GPC5: variants seen among roughly 807,000 people sequenced by gnomAD.
The protein encoded by GPC5 is glypican-5.
Under a neutral mutation model 53.9 loss-of-function variants are expected in GPC5, and 47 were observed. The ratio of observed to expected loss-of-function variants is 0.87; its 90% CI spans 0.69 to 1.11. The LOEUF (loss-of-function observed/expected upper bound fraction) is 1.11. Among genes scored for constraint, GPC5 ranks in the 50% most tolerant of loss-of-function variants. GPC5 has a pLI of 0.00. For synonymous variants in GPC5, 286 were observed against 263.3 expected (o/e 1.09, Z -0.84); for missense variants, 748 against 713.1 (o/e 1.05, Z -0.56).
At chr13:91,815,383 C>G (rs957743575) in intron 5 of GPC5, among the ~76,000 whole-genome samples, 1 of 152,060 alleles carries the variant, frequency 6.6e-6, no homozygotes, top group African/African-American at 2.4e-5. Flanking sequence ...CCAACCAGAA[C>G]ATGCATTGCT....
intron 2 of GPC5, among the ~76,000 whole-genome samples, chr13:91,559,885 T>C (rs953482439): frequency 6.6e-6 from 1 of 151,994 alleles, no homozygotes; most frequent in Non-Finnish European, 1.5e-5. Flanking sequence ...AACCCAGGGG[T>C]AGATAGTTTA....
rs115469055 is a variant in GPC5, at chr13:92,477,977, G to A, written c.1561+332988G>A. Among the ~76,000 whole-genome samples the A allele has an allele frequency of 3.2e-3, 480 of 152,226 alleles. 1 individual carries two copies. Among genetic ancestry groups the A allele is most frequent in the African/African-American group, 0.011 (444 of 41,566 alleles). On this transcript the variant is annotated intron_variant, in intron 7 of 7. Transcript: ENST00000377067. ...GCATTTGGTTTATTTTCCAAAGCCAGCTCATTTGTACTTCTCTTAAATATT... is the reference window on the plus strand; with the variant it reads ...GCATTTGGTTTATTTTCCAAAGCCAACTCATTTGTACTTCTCTTAAATATT...
At chr13:92,859,803 A>G (rs1195935714) in intron 7 of GPC5, among the ~76,000 whole-genome samples, 1 of 152,192 alleles carries the variant, frequency 6.6e-6, no homozygotes, top group African/African-American at 2.4e-5. Flanking sequence ...GCTTAAAATA[A>G]TATGTTCTTT....
chr13:92,858,267 T>A (rs1594554456), intron 7 of GPC5, among the ~76,000 whole-genome samples: 1 of 152,152 alleles, frequency 6.6e-6, no homozygotes, highest in South Asian at 2.1e-4. Context: ...TCTCATGAGA[T>A]CTGATGGTTT....
At chr13:92,303,684 G>A (rs535435145) in intron 7 of GPC5, among the ~76,000 whole-genome samples, 14 of 152,290 alleles carry the variant, frequency 9.2e-5, no homozygotes, top group African/African-American at 3.1e-4. Flanking sequence ...GCTGATCAGC[G>A]AGGATGTGAA....
At chr13:92,755,570 G>T (rs994091176) in intron 7 of GPC5, among the ~76,000 whole-genome samples, 1 of 149,946 alleles carries the variant, frequency 6.7e-6, no homozygotes, top group African/African-American at 2.4e-5. Context: ...CAACAAAATA[G>T]ATAGACTGCT....
chr13:91,757,408 G>A (rs1245292669), intron 5 of GPC5, among the ~76,000 whole-genome samples: 1 of 152,038 alleles, frequency 6.6e-6, no homozygotes, highest in Non-Finnish European at 1.5e-5. Flanking sequence ...GACAGATATG[G>A]TTTGGCTGTG....
At chr13:92,311,378 A>AT (rs1256124324) in intron 7 of GPC5, among the ~76,000 whole-genome samples, 1 of 152,158 alleles carries the variant, frequency 6.6e-6, no homozygotes. Context: ...TTAGGTATTT[A>AT]ACAACTACAT....
intron 7 of GPC5, among the ~76,000 whole-genome samples, chr13:92,171,090 A>G (rs1412944310): frequency 6.6e-6 from 1 of 152,124 alleles, no homozygotes; most frequent in Non-Finnish European, 1.5e-5. Flanking sequence ...TATCATATGG[A>G]AATTTCCTCA....
chr13:92,768,136 TTC>T (rs1294974299), intron 7 of GPC5, among the ~76,000 whole-genome samples: 4 of 152,228 alleles, frequency 2.6e-5, no homozygotes, highest in African/African-American at 9.6e-5. Flanking sequence ...TGTATTTCTT[TTC>T]TGTTTTCTAA....
chr13:91,941,568 G>A (rs1045185655), intron 6 of GPC5, among the ~76,000 whole-genome samples: 1 of 152,016 alleles, frequency 6.6e-6, no homozygotes, highest in African/African-American at 2.4e-5. Context: ...GGTGGACTGA[G>A]AATCTTACAT....
intron 7 of GPC5, among the ~76,000 whole-genome samples, chr13:92,768,024 A>C (rs986647562): frequency 2.0e-5 from 3 of 152,188 alleles, no homozygotes; most frequent in Admixed American, 6.5e-5. Flanking sequence ...CAGTGTAAAA[A>C]CCTAAGTCAG....
chr13:92,800,669 A>G (rs1876868066), intron 7 of GPC5, among the ~76,000 whole-genome samples: 1 of 151,858 alleles, frequency 6.6e-6, no homozygotes, highest in Non-Finnish European at 1.5e-5. Context: ...GAAGGTTCCT[A>G]TGATTATCTA....
At chr13:92,665,504 T>A (rs1318353249) in intron 7 of GPC5, among the ~76,000 whole-genome samples, 1 of 152,086 alleles carries the variant, frequency 6.6e-6, no homozygotes, top group East Asian at 1.9e-4. Context: ...CCAACTGAGG[T>A]GGAAAAGACC....
At chr13:92,118,376 G>C (rs943460023) in intron 6 of GPC5, among the ~76,000 whole-genome samples, 1 of 151,876 alleles carries the variant, frequency 6.6e-6, no homozygotes, top group African/African-American at 2.4e-5. Flanking sequence ...GTTCTTAAAG[G>C]GATATCGGTT....
intron 5 of GPC5, among the ~76,000 whole-genome samples, chr13:91,780,039 A>C (rs190156546): frequency 1.3e-3 from 195 of 152,326 alleles, no homozygotes; most frequent in African/African-American, 4.5e-3. Flanking sequence ...GTCTGGCAGC[A>C]CAGTAGGTTT....
chr13:92,214,382 G>C (rs776818729), intron 7 of GPC5, among the ~76,000 whole-genome samples: 2 of 152,248 alleles, frequency 1.3e-5, no homozygotes, highest in Non-Finnish European at 2.9e-5. Context: ...CATTATTGAA[G>C]TGTCCACCTA....
chr13:92,776,228 G>C (rs976448940), intron 7 of GPC5, among the ~76,000 whole-genome samples: 1 of 152,132 alleles, frequency 6.6e-6, no homozygotes, highest in Non-Finnish European at 1.5e-5. Flanking sequence ...TTCAAGGCCA[G>C]TAGTGTAGCG....
At chr13:91,469,470 T>G (rs922584277) in intron 2 of GPC5, among the ~76,000 whole-genome samples, 2 of 151,616 alleles carry the variant, frequency 1.3e-5, no homozygotes, top group African/African-American at 4.9e-5. Flanking sequence ...TCCTATGATA[T>G]TGCCCAGGCT....
Sources: allele counts gnomAD v4.1 joint callset (sites outside exome capture counted in the v4.1 genomes callset), GRCh38; gene constraint gnomAD v4.1.1; transcripts MANE v1.5; gene names NCBI Gene and HGNC (gene_info 2026-07-23, HGNC 2026-07-21).